AGBL4: variants seen among roughly 807,000 people sequenced by gnomAD.
AGBL4 encodes the protein AGBL carboxypeptidase 4, also known as cytosolic carboxypeptidase 6.
A neutral mutation model predicts 66.4 loss-of-function variants in AGBL4; 58 were observed. The observed-to-expected ratio is 0.87, with a 90% CI of 0.71 to 1.09. The LOEUF (loss-of-function observed/expected upper bound fraction) is 1.09, where lower values mean the gene tolerates loss of function less well. AGBL4 is among the 50% of genes least tolerant of loss of function. The pLI, the probability that AGBL4 is intolerant of heterozygous loss-of-function variation, is 0.00. For missense variants in AGBL4, 579 were observed against 631.0 expected, an observed-to-expected ratio of 0.92 and a Z score of 0.88; for synonymous variants, 234 against 222.9, an observed-to-expected ratio of 1.05 and a Z score of -0.44.
At chr1:48,843,438 CT>C (rs1646847796) in intron 6 of AGBL4, among the ~76,000 whole-genome samples, 1 of 151,974 alleles carries the variant, frequency 6.6e-6, no homozygotes, top group Admixed American at 6.5e-5. Flanking sequence ...TAGAAATCAG[CT>C]TTAAATGATC....
chr1:48,699,463 C>G (rs745804320), intron 6 of AGBL4, among the ~76,000 whole-genome samples: 9 of 152,184 alleles, frequency 5.9e-5, no homozygotes, highest in Non-Finnish European at 1.3e-4. Flanking sequence ...ATCAGCCCAC[C>G]TCATGCAACC....
chr1:49,280,833 T>C (rs1644258429), intron 3 of AGBL4, among the ~76,000 whole-genome samples: 1 of 152,224 alleles, frequency 6.6e-6, no homozygotes, highest in South Asian at 2.1e-4. Flanking sequence ...TGTCTTCAAA[T>C]ACTTTACATT....
At chr1:49,404,608 G>A (rs1044014110) in intron 3 of AGBL4, among the ~76,000 whole-genome samples, 4 of 152,096 alleles carry the variant, frequency 2.6e-5, no homozygotes, top group Admixed American at 1.3e-4. Context: ...TGGAACCTAC[G>A]TATCTTTTAT....
chr1:49,930,595 G>T (rs527705787), intron 1 of AGBL4, among the ~76,000 whole-genome samples: 1 of 151,984 alleles, frequency 6.6e-6, no homozygotes, highest in Admixed American at 6.6e-5. Flanking sequence ...GATTAACTGG[G>T]ATTTATATGA....
chr1:49,144,332 T>C (rs939612176), intron 4 of AGBL4, among the ~76,000 whole-genome samples: 2 of 152,072 alleles, frequency 1.3e-5, no homozygotes, highest in African/African-American at 4.8e-5. Flanking sequence ...GAGCCCATCA[T>C]TGAGGAAGCT....
At chr1:49,554,983 A>T (rs1345778601) in intron 3 of AGBL4, among the ~76,000 whole-genome samples, 1 of 152,228 alleles carries the variant, frequency 6.6e-6, no homozygotes, top group Non-Finnish European at 1.5e-5. Flanking sequence ...ACGGACCCAA[A>T]GAGTGAGCAG....
At chr1:49,700,298 AATAG>A (rs59788309) in intron 2 of AGBL4, among the ~76,000 whole-genome samples, 66,083 of 146,228 alleles carry the variant, frequency 0.45, 15,229 homozygotes, top group Non-Finnish European at 0.5. Flanking sequence ...AAAAACATTA[AATAG>A]ATAGATAGAT....
At chr1:48,862,090 A>G (rs995532611) in intron 6 of AGBL4, among the ~76,000 whole-genome samples, 1 of 152,168 alleles carries the variant, frequency 6.6e-6, no homozygotes, top group African/African-American at 2.4e-5. Context: ...GACTGCCTTG[A>G]GAGATCACAG....
At chr1:49,726,017 T>TTA (rs1648999240) in intron 2 of AGBL4, among the ~76,000 whole-genome samples, 1 of 152,122 alleles carries the variant, frequency 6.6e-6, no homozygotes, top group Non-Finnish European at 1.5e-5. Flanking sequence ...CTTAAGTGGC[T>TTA]TATAGTCTGA....
At chr1:49,646,596 T>C (rs1645893174) in intron 3 of AGBL4, among the ~76,000 whole-genome samples, 1 of 152,020 alleles carries the variant, frequency 6.6e-6, no homozygotes, top group Non-Finnish European at 1.5e-5. Flanking sequence ...ATTAAAATGT[T>C]ATTTTCTGGC....
At chr1:49,902,280 T>C (rs1571837265) in intron 1 of AGBL4, among the ~76,000 whole-genome samples, 3 of 152,150 alleles carry the variant, frequency 2.0e-5, no homozygotes, top group African/African-American at 7.2e-5. Context: ...TTGTAAACTA[T>C]GCATCTGACA....
chr1:49,411,152 G>A (rs1645306737), intron 3 of AGBL4, among the ~76,000 whole-genome samples: 1 of 152,204 alleles, frequency 6.6e-6, no homozygotes, highest in African/African-American at 2.4e-5. Flanking sequence ...CCTTCAGTCT[G>A]TGGCTGAAAG....
chr1:48,867,507 C>A (rs572463032), intron 5 of AGBL4, among the ~76,000 whole-genome samples: 1 of 152,248 alleles, frequency 6.6e-6, no homozygotes, highest in South Asian at 2.1e-4. Context: ...AGGCCCTGAG[C>A]AGAATGTGGC....
At chr1:49,533,044 A>G (rs982518674) in intron 3 of AGBL4, among the ~76,000 whole-genome samples, 9 of 152,118 alleles carry the variant, frequency 5.9e-5, no homozygotes, top group Admixed American at 3.3e-4. Context: ...CCTACCTCTC[A>G]GTCTAGTCTG....
At chr1:49,346,109 A>G (rs2148512287) in intron 3 of AGBL4, among the ~76,000 whole-genome samples, 1 of 152,316 alleles carries the variant, frequency 6.6e-6, no homozygotes, top group South Asian at 2.1e-4. Flanking sequence ...GTTTAATAAG[A>G]CCAAAACTTA....
chr1:49,154,113 G>A (rs1333506800), intron 4 of AGBL4, among the ~76,000 whole-genome samples: 1 of 152,076 alleles, frequency 6.6e-6, no homozygotes, highest in East Asian at 1.9e-4. Context: ...GCAGAGTGCA[G>A]CAGAAGCACA....
chr1:48,906,718 GGTTATTTCCT>G (rs1348187217), intron 5 of AGBL4, among the ~76,000 whole-genome samples: 1 of 152,078 alleles, frequency 6.6e-6, no homozygotes, highest in Non-Finnish European at 1.5e-5. Flanking sequence ...TATCTAATTT[GGTTATTTCCT>G]GTCATGAAAA....
At chr1:49,267,994 G>C (rs1643962944) in intron 3 of AGBL4, 1 of 152,160 alleles carries the variant, frequency 6.6e-6, no homozygotes, top group African/African-American at 2.4e-5. Flanking sequence ...GATGAGATTT[G>C]AGTGGGGACA....
intron 6 of AGBL4, among the ~76,000 whole-genome samples, chr1:48,716,499 C>T (rs1253973796): frequency 6.6e-6 from 1 of 152,136 alleles, no homozygotes; most frequent in Non-Finnish European, 1.5e-5. Flanking sequence ...TTGCCCCTGC[C>T]CCCATCCATC....
Sources: gnomAD v4.1 joint callset for allele counts (sites outside exome capture counted in the v4.1 genomes callset) on GRCh38, gnomAD v4.1.1 for gene constraint, MANE v1.5 for transcripts, NCBI Gene and HGNC (gene_info 2026-07-23, HGNC 2026-07-21) for gene names.